Variants in ITGBL1 observed in about 807,000 individuals in gnomAD.
The protein encoded by ITGBL1 is integrin beta-like protein 1.
In ITGBL1, 51 loss-of-function variants were observed where a neutral mutation model predicts 68.5. The ratio of observed to expected loss-of-function variants is 0.74; its 90% CI spans 0.59 to 0.94. The LOEUF is 0.94. Among genes scored for constraint, ITGBL1 ranks in the 40% least tolerant of loss-of-function variants. The pLI is 0.00. For synonymous variants in ITGBL1, 209 were observed against 227.3 expected (o/e 0.92, Z 0.72); for missense variants, 649 against 647.4 (o/e 1.00, Z -0.03).
At chr13:101,681,307 G>A (rs770067217) in intron 7 of ITGBL1, among the ~76,000 whole-genome samples, 7 of 152,234 alleles carry the variant, frequency 4.6e-5, no homozygotes, top group South Asian at 2.1e-4. Flanking sequence ...ATGTGTGTGC[G>A]TGTTGCATAT....
chr13:101,674,607 T>A (rs2033456166), intron 7 of ITGBL1, among the ~76,000 whole-genome samples: 1 of 152,062 alleles, frequency 6.6e-6, no homozygotes, highest in South Asian at 2.1e-4. Context: ...TGAGATAATT[T>A]TTTTTTCTGT....
At chr13:101,476,021 G>A (rs1423047887) in intron 2 of ITGBL1, among the ~76,000 whole-genome samples, 3 of 151,988 alleles carry the variant, frequency 2.0e-5, no homozygotes, top group African/African-American at 7.2e-5. Context: ...AAAACTCTCT[G>A]GTAATAGTAA....
chr13:101,583,241 C>G lies in ITGBL1; in HGVS notation c.753C>G (p.Thr251=), dbSNP rs1056570586. 1.2e-6 allele frequency: 2 copies of G among 1,613,168 alleles called. No homozygotes were observed. The highest frequency in any genetic ancestry group is 1.6e-4 in the Middle Eastern group (1 of 6,078). The part of the protein sequence containing the change: ...NRGTCVCGEC[T]CHDVDPTGDW... ...GGACTTGTGTATGTGGTGAATGTAC[C>G]TGTCACGATGTTGATCCGACTGGGG... is the stretch of plus-strand genomic sequence containing the variant. The change falls in exon 6 of 11, where the codon ACC becomes ACG. Residue 251 remains threonine, a synonymous_variant. Transcript: ENST00000376180.
intron 7 of ITGBL1, among the ~76,000 whole-genome samples, chr13:101,605,512 A>ATATATG (rs1211359369): frequency 6.6e-6 from 1 of 150,586 alleles, no homozygotes; most frequent in African/African-American, 2.4e-5. Flanking sequence ...ATATGCGTAT[A>ATATATG]CACATATAGA....
At chr13:101,526,974 G>A (rs1356980079) in intron 2 of ITGBL1, among the ~76,000 whole-genome samples, 1 of 151,852 alleles carries the variant, frequency 6.6e-6, no homozygotes, top group East Asian at 1.9e-4. Flanking sequence ...CTAATTTAAA[G>A]TAACATTTTC....
chr13:101,562,458 A>G (rs536527545), intron 2 of ITGBL1, among the ~76,000 whole-genome samples: 129 of 152,134 alleles, frequency 8.5e-4, no homozygotes, highest in African/African-American at 2.9e-3. Context: ...TAAGACATTG[A>G]CAGGTTAAAT....
intron 2 of ITGBL1, among the ~76,000 whole-genome samples, chr13:101,558,911 A>ATG (rs57018896): frequency 0.77 from 115,698 of 150,212 alleles, 44,462 homozygotes; most frequent in Middle Eastern, 0.8. Context: ...TTGTGTGTGT[A>ATG]TGTGTGTGTG....
intron 7 of ITGBL1, among the ~76,000 whole-genome samples, chr13:101,674,466 C>A (rs1477883505): frequency 6.6e-6 from 1 of 152,060 alleles, no homozygotes; most frequent in Non-Finnish European, 1.5e-5. Flanking sequence ...TGAAACCTTT[C>A]AATATTATAC....
At chr13:101,501,938 G>C (rs1335593) in intron 2 of ITGBL1, among the ~76,000 whole-genome samples, 23,090 of 152,092 alleles carry the variant, frequency 0.15, 2,236 homozygotes, top group East Asian at 0.45. Flanking sequence ...GGGACCAGAA[G>C]GTTGAATGTA....
At chr13:101,525,075 G>C (rs1257684051) in intron 2 of ITGBL1, among the ~76,000 whole-genome samples, 2 of 152,092 alleles carry the variant, frequency 1.3e-5, no homozygotes, top group Non-Finnish European at 2.9e-5. Context: ...TCTAGCTATA[G>C]AGAAAAAGTT....
chr13:101,649,663 T>C (rs941403276), intron 7 of ITGBL1, among the ~76,000 whole-genome samples: 1 of 152,208 alleles, frequency 6.6e-6, no homozygotes, highest in Non-Finnish European at 1.5e-5. Flanking sequence ...GATTTCTCAA[T>C]TGTATTGCTC....
Position 101,604,887 on chromosome 13 carries a change from T to TATATATATATACACACAC in ITGBL1, c.1015+6589_1015+6590insTATATATATACACACACA. Among the ~76,000 whole-genome samples, 22 of 22,166 alleles carry TATATATATATACACACAC rather than the reference T, an allele frequency of 9.9e-4. 4 individuals are homozygous for TATATATATATACACACAC. Among genetic ancestry groups the TATATATATATACACACAC allele is most frequent in the African/African-American group, 3.3e-3 (22 of 6,636 alleles). 14.5% of individuals were successfully genotyped at this position (22,166 alleles called of 152,430 possible). A position where few individuals can be genotyped will look rare whatever the true frequency, so the allele number is the denominator to read the frequency against. ...ATATATATATATATATATATATATA[T>TATATATATATACACACAC]ACACACACACACACATATATATGTG... On this transcript the variant is annotated intron_variant, in intron 7 of 10. Coordinates refer to ENST00000376180, the MANE Select transcript of ITGBL1 (RefSeq NM_004791.3).
At chr13:101,675,811 C>G (rs1594972793) in intron 7 of ITGBL1, among the ~76,000 whole-genome samples, 1 of 152,130 alleles carries the variant, frequency 6.6e-6, no homozygotes, top group Non-Finnish European at 1.5e-5. Context: ...GCATGAGATA[C>G]AATTTCAAGT....
intron 4 of ITGBL1, among the ~76,000 whole-genome samples, chr13:101,577,471 G>A (rs1266339001): frequency 6.6e-6 from 1 of 152,094 alleles, no homozygotes; most frequent in Non-Finnish European, 1.5e-5. Flanking sequence ...GACGTGTATT[G>A]TTACATAATT....
At chr13:101,604,887 T>TATACACACACACACACACACACACAC in intron 7 of ITGBL1, among the ~76,000 whole-genome samples, 41 of 22,138 alleles carry the variant, frequency 1.9e-3, no homozygotes, top group South Asian at 5.1e-3. Flanking sequence ...TATATATATA[T>TATACACACACACACACACACACACAC]ACACACACAC....
chr13:101,486,279 G>A (rs1376970496), intron 2 of ITGBL1, among the ~76,000 whole-genome samples: 3 of 152,152 alleles, frequency 2.0e-5, no homozygotes, highest in Non-Finnish European at 4.4e-5. Flanking sequence ...ATAAGTAGGA[G>A]CTAAGCTATG....
intron 7 of ITGBL1, among the ~76,000 whole-genome samples, chr13:101,656,872 C>T (rs2032941492): frequency 6.6e-6 from 1 of 152,006 alleles, no homozygotes; most frequent in African/African-American, 2.4e-5. Flanking sequence ...AATATATAGT[C>T]AGGCTCCTCT....
At chr13:101,603,140 GAGGT>G (rs2139339690) in intron 7 of ITGBL1, among the ~76,000 whole-genome samples, 1 of 152,064 alleles carries the variant, frequency 6.6e-6, no homozygotes, top group South Asian at 2.1e-4. Flanking sequence ...TTTACCTTTT[GAGGT>G]AGCACAGGAC....
intron 7 of ITGBL1, among the ~76,000 whole-genome samples, chr13:101,687,024 C>A (rs1005369620): frequency 6.6e-6 from 1 of 151,948 alleles, no homozygotes; most frequent in Admixed American, 6.6e-5. Flanking sequence ...TATATTGTGA[C>A]CTTTTAGTTT....
Sources: allele counts gnomAD v4.1 joint callset (sites outside exome capture counted in the v4.1 genomes callset), GRCh38; gene constraint gnomAD v4.1.1; transcripts MANE v1.5; gene names NCBI Gene and HGNC (gene_info 2026-07-23, HGNC 2026-07-21).